Variants in RSRC1 observed in about 807,000 individuals in gnomAD.
The protein encoded by RSRC1 is serine/Arginine-related protein 53.
In RSRC1, 39 loss-of-function variants were observed where a neutral mutation model predicts 49.1. The observed-to-expected ratio is 0.79, with a 90% CI of 0.61 to 1.04. RSRC1 has a LOEUF of 1.04. Among genes scored for constraint, RSRC1 ranks in the 50% least tolerant of loss-of-function variants. The pLI, the probability that RSRC1 is intolerant of heterozygous loss-of-function variation, is 0.00. For missense variants in RSRC1, 388 were observed against 402.4 expected (o/e 0.96, Z 0.31); for synonymous variants, 143 against 130.8 (o/e 1.09, Z -0.63).
intron 3 of RSRC1, among the ~76,000 whole-genome samples, chr3:158,191,712 G>A: frequency 6.6e-6 from 1 of 151,894 alleles, no homozygotes; most frequent in East Asian, 1.9e-4. Flanking sequence ...CTTCTAGAGT[G>A]ATTTATCAGA....
intron 6 of RSRC1, among the ~76,000 whole-genome samples, chr3:158,455,130 A>G (rs16829007): frequency 0.1 from 15,810 of 152,098 alleles, 2,829 homozygotes; most frequent in African/African-American, 0.37. Context: ...AACTTTTTCC[A>G]TGTTTGTATA....
intron 3 of RSRC1, among the ~76,000 whole-genome samples, chr3:158,137,842 C>G (rs1716497695): frequency 6.6e-6 from 1 of 151,978 alleles, no homozygotes; most frequent in Non-Finnish European, 1.5e-5. Context: ...TTAGTAGAGA[C>G]AGGGTTTCGC....
chr3:158,184,515 T>C (rs183508972), intron 3 of RSRC1, among the ~76,000 whole-genome samples: 1 of 152,310 alleles, frequency 6.6e-6, no homozygotes, highest in Non-Finnish European at 1.5e-5. Flanking sequence ...TCAAATTCTT[T>C]CATTACCATT....
intron 4 of RSRC1, among the ~76,000 whole-genome samples, chr3:158,266,090 A>T (rs1725158936): frequency 6.6e-6 from 1 of 152,178 alleles, no homozygotes; most frequent in Admixed American, 6.5e-5. Context: ...AGTATAGTAC[A>T]GTATGATTAT....
At chr3:158,388,592 C>G (rs147141738) in intron 6 of RSRC1, among the ~76,000 whole-genome samples, 1 of 145,466 alleles carries the variant, frequency 6.9e-6, no homozygotes, top group Non-Finnish European at 1.5e-5. Context: ...ATTTGGGGAG[C>G]CAAATTAGCC....
At chr3:158,149,376 C>T (rs953036402) in intron 3 of RSRC1, among the ~76,000 whole-genome samples, 1 of 152,112 alleles carries the variant, frequency 6.6e-6, no homozygotes, top group African/African-American at 2.4e-5. Context: ...TCAAGGGTTG[C>T]TGGCCAGCTG....
At chr3:158,516,120 G>T (rs1180532295) in intron 7 of RSRC1, among the ~76,000 whole-genome samples, 2 of 152,238 alleles carry the variant, frequency 1.3e-5, no homozygotes, top group African/African-American at 4.8e-5. Context: ...TCTCCGTCCA[G>T]CTTTGTTCCA....
intron 5 of RSRC1, among the ~76,000 whole-genome samples, chr3:158,301,525 G>C (rs1727548170): frequency 6.6e-6 from 1 of 152,076 alleles, no homozygotes; most frequent in Admixed American, 6.6e-5. Flanking sequence ...ATCTTTTCAA[G>C]ATGGCTTCTG....
At chr3:158,514,544 G>T (rs1303636456) in intron 7 of RSRC1, among the ~76,000 whole-genome samples, 1 of 152,044 alleles carries the variant, frequency 6.6e-6, no homozygotes, top group Non-Finnish European at 1.5e-5. Flanking sequence ...CACGTATGTG[G>T]TCAATTTTGG....
At chr3:158,337,654 A>C (rs183539817) in intron 5 of RSRC1, among the ~76,000 whole-genome samples, 3 of 152,056 alleles carry the variant, frequency 2.0e-5, no homozygotes, top group Non-Finnish European at 4.4e-5. Flanking sequence ...GAATCTGTCC[A>C]TGGGGGTCAA....
At chr3:158,128,215 A>C (rs1361524966) in intron 3 of RSRC1, among the ~76,000 whole-genome samples, 1 of 152,170 alleles carries the variant, frequency 6.6e-6, no homozygotes, top group Admixed American at 6.6e-5. Context: ...TTGGACTTAC[A>C]TTCCATGCTT....
intron 7 of RSRC1, among the ~76,000 whole-genome samples, chr3:158,501,521 T>G (rs1739595939): frequency 6.6e-6 from 1 of 152,180 alleles, no homozygotes; most frequent in South Asian, 2.1e-4. Flanking sequence ...TAGTAATTGT[T>G]TTATAAATTT....
At chr3:158,180,929 C>G (rs747055733) in intron 3 of RSRC1, among the ~76,000 whole-genome samples, 3 of 151,544 alleles carry the variant, frequency 2.0e-5, no homozygotes, top group Non-Finnish European at 2.9e-5. Flanking sequence ...TTTAGTCTCC[C>G]GAGTAGCTGG....
At chr3:158,198,813 C>T (rs547086016) in intron 3 of RSRC1, among the ~76,000 whole-genome samples, 16 of 152,230 alleles carry the variant, frequency 1.1e-4, no homozygotes, top group East Asian at 5.8e-4. Context: ...CTCCACCCCC[C>T]GCAAGAAATT....
At chr3:158,444,878 A>T (rs367995912) in intron 6 of RSRC1, among the ~76,000 whole-genome samples, 4 of 152,230 alleles carry the variant, frequency 2.6e-5, no homozygotes, top group Non-Finnish European at 5.9e-5. Flanking sequence ...GAAGACATTT[A>T]TGCAGCCAAA....
At chr3:158,485,736 T>C (rs994378757) in intron 7 of RSRC1, among the ~76,000 whole-genome samples, 3 of 152,190 alleles carry the variant, frequency 2.0e-5, no homozygotes, top group Non-Finnish European at 4.4e-5. Context: ...GTAATAACTT[T>C]ACATGAGTAT....
chr3:158,253,066 G>T (rs958141833), intron 4 of RSRC1, among the ~76,000 whole-genome samples: 10 of 151,218 alleles, frequency 6.6e-5, no homozygotes, highest in Non-Finnish European at 1.0e-4. Flanking sequence ...GCACTTATTG[G>T]CTTCAAATTC....
chr3:158,148,253 A>G (rs545679727), intron 3 of RSRC1, among the ~76,000 whole-genome samples: 69 of 152,240 alleles, frequency 4.5e-4, no homozygotes, highest in African/African-American at 1.5e-3. Flanking sequence ...ACATGTATCA[A>G]TAATTGTATG....
intron 6 of RSRC1, among the ~76,000 whole-genome samples, chr3:158,392,263 A>G (rs1733349411): frequency 6.6e-6 from 1 of 152,124 alleles, no homozygotes; most frequent in African/African-American, 2.4e-5. Context: ...GGCTATGAGA[A>G]TAATTTTGGT....
Sources: allele counts gnomAD v4.1 joint callset (sites outside exome capture counted in the v4.1 genomes callset), GRCh38; gene constraint gnomAD v4.1.1; transcripts MANE v1.5; gene names NCBI Gene and HGNC (gene_info 2026-07-23, HGNC 2026-07-21).